ANKRD30B: variants seen among roughly 807,000 people sequenced by gnomAD.
ANKRD30B encodes ankyrin repeat domain 30B.
Under a neutral mutation model 202.2 loss-of-function variants are expected in ANKRD30B, and 144 were observed. The observed-to-expected ratio is 0.71, with a 90% CI of 0.62 to 0.82. The LOEUF is 0.82. Among genes scored for constraint, ANKRD30B ranks in the 40% least tolerant of loss-of-function variants. The probability of loss-of-function intolerance (pLI) is 0.00; values close to 1 mark genes in which losing one functional copy is unlikely to be tolerated. For missense variants in ANKRD30B, 1,487 were observed against 1,669.1 expected, an observed-to-expected ratio of 0.89 and a Z score of 1.90; for synonymous variants, 508 against 561.3, an observed-to-expected ratio of 0.91 and a Z score of 1.34.
At chr18:14,924,013 T>C in the ANKRD30B span, among the ~76,000 whole-genome samples, 4 of 152,216 alleles carry the variant, frequency 2.6e-5, no homozygotes, top group African/African-American at 9.6e-5. Context: ...TCTGTGCTTA[T>C]ATGTCTCATC....
At chr18:14,842,803 G>C in intron 37 of ANKRD30B, 94 bp from the exon 38 acceptor site, 1 of 1,247,622 alleles carries the variant, frequency 8.0e-7, no homozygotes, top group Admixed American at 2.4e-5. Flanking sequence ...TCTCAAAGCT[G>C]AGAAAAAGGA....
the ANKRD30B span, among the ~76,000 whole-genome samples, chr18:14,892,023 T>A: frequency 6.6e-6 from 1 of 152,224 alleles, no homozygotes; most frequent in Non-Finnish European, 1.5e-5. Context: ...AAACTGTAAT[T>A]ACCTTTGCAC....
chr18:14,889,900 T>C, the ANKRD30B span: 1 of 515,586 alleles, frequency 1.9e-6, no homozygotes, highest in Admixed American at 3.3e-5. Flanking sequence ...TGGAGATAAA[T>C]TAAGTCCATT....
intron 8 of ANKRD30B, 96 bp from the exon 9 acceptor site, chr18:14,772,060 T>C (rs1967035492): frequency 2.8e-6 from 2 of 710,536 alleles, no homozygotes; most frequent in Middle Eastern, 3.4e-4. Context: ...GTTTTTTGTT[T>C]TCATTTTATA....
intron 15 of ANKRD30B, among the ~76,000 whole-genome samples, chr18:14,787,436 T>A (rs568817089): frequency 2.0e-5 from 3 of 152,216 alleles, no homozygotes; most frequent in Non-Finnish European, 4.4e-5. Flanking sequence ...AATACATGAT[T>A]CTGTCTTATA....
intron 39 of ANKRD30B, among the ~76,000 whole-genome samples, chr18:14,847,050 T>TTATATGTG (rs1421555010): frequency 1.9e-4 from 21 of 111,100 alleles, no homozygotes; most frequent in Admixed American, 2.1e-4. Flanking sequence ...TGATTTAGTT[T>TTATATGTG]TATATATATA....
At chr18:14,771,817 C>T (rs1339197056) in intron 8 of ANKRD30B, among the ~76,000 whole-genome samples, 1 of 152,050 alleles carries the variant, frequency 6.6e-6, no homozygotes, top group Non-Finnish European at 1.5e-5. Flanking sequence ...AGTAGATTTC[C>T]AGTTCATCAT....
chr18:14,889,669 G>A, the ANKRD30B span, among the ~76,000 whole-genome samples: 1 of 150,148 alleles, frequency 6.7e-6, no homozygotes, highest in Non-Finnish European at 1.5e-5. Context: ...AACAAAAAGA[G>A]CTTTAATACT....
intron 18 of ANKRD30B, among the ~76,000 whole-genome samples, chr18:14,796,847 T>G (rs1312811295): frequency 6.6e-6 from 1 of 152,116 alleles, no homozygotes; most frequent in Non-Finnish European, 1.5e-5. Flanking sequence ...TTTAGGGTCA[T>G]TTGATTATGA....
At chr18:14,797,749 T>C (rs771597077) in intron 19 of ANKRD30B, 33 bp from the exon 20 acceptor site, 9 of 1,596,156 alleles carry the variant, frequency 5.6e-6, no homozygotes, top group South Asian at 5.6e-5. Flanking sequence ...GTGTACATTA[T>C]ATATTAATTT....
At chr18:14,823,923 A>C (rs1323401431) in intron 32 of ANKRD30B, among the ~76,000 whole-genome samples, 2 of 152,178 alleles carry the variant, frequency 1.3e-5, no homozygotes, top group East Asian at 3.9e-4. Flanking sequence ...TGCAGTGAGC[A>C]AAGATCGTGC....
the ANKRD30B span, among the ~76,000 whole-genome samples, chr18:14,936,719 A>G: frequency 2.0e-5 from 3 of 152,152 alleles, no homozygotes; most frequent in Non-Finnish European, 2.9e-5. Flanking sequence ...TTCTTCCACC[A>G]TTTCCTGAAA....
chr18:14,866,599 C>A, the ANKRD30B span, among the ~76,000 whole-genome samples: 2 of 152,062 alleles, frequency 1.3e-5, no homozygotes, highest in Non-Finnish European at 2.9e-5. Flanking sequence ...GTGGTGGCAA[C>A]GGAGACTGCA....
chr18:14,760,662 A>C (rs1915112437), intron 6 of ANKRD30B, 44 bp downstream of exon 6: 1 of 1,350,348 alleles, frequency 7.4e-7, no homozygotes, highest in Admixed American at 2.4e-5. Context: ...TGCTACCATA[A>C]GATTAGGGAA....
intron 39 of ANKRD30B, among the ~76,000 whole-genome samples, chr18:14,845,093 T>C (rs1223146630): frequency 2.0e-5 from 3 of 152,060 alleles, no homozygotes; most frequent in Non-Finnish European, 4.4e-5. Flanking sequence ...CTCTTTAGTT[T>C]AATTAGGTCC....
Position 14,810,025 on chromosome 18 carries a change from T to G in ANKRD30B, c.2415+11T>G. 4 of 1,441,946 alleles carry G rather than the reference T, an allele frequency of 2.8e-6. No individual in the cohort carries two copies. Among genetic ancestry groups the G allele is most frequent in the South Asian group, 1.2e-5 (1 of 86,804 alleles). 89.3% of individuals were successfully genotyped at this position (1,441,946 alleles called of 1,614,324 possible). A position where few individuals can be genotyped will look rare whatever the true frequency, so the allele number is the denominator to read the frequency against. ...GATGGTCTTCTGAAGGTAATAACTT[T>G]TATATTTTTATCTTGAATATTACCT... On this transcript the variant is annotated intron_variant, in intron 27 of 43. Transcript: ENST00000690538.
At chr18:14,761,033 A>G (rs1915178517) in intron 6 of ANKRD30B, among the ~76,000 whole-genome samples, 1 of 152,194 alleles carries the variant, frequency 6.6e-6, no homozygotes, top group Admixed American at 6.5e-5. Context: ...GGGGATGATC[A>G]GGTCATCCAC....
intron 34 of ANKRD30B, among the ~76,000 whole-genome samples, chr18:14,834,862 T>C (rs1971104546): frequency 6.6e-6 from 1 of 152,020 alleles, no homozygotes; most frequent in African/African-American, 2.4e-5. Flanking sequence ...TTTTAGTAAC[T>C]TTATGTCTTA....
chr18:14,915,772 C>G, the ANKRD30B span: 84 of 152,172 alleles, frequency 5.5e-4, no homozygotes, highest in Non-Finnish European at 1.1e-3. Context: ...ACATATACTT[C>G]AAAATGTCCT....
Sources: allele counts gnomAD v4.1 joint callset (sites outside exome capture counted in the v4.1 genomes callset), GRCh38; gene constraint gnomAD v4.1.1; transcripts MANE v1.5; gene names NCBI Gene and HGNC (gene_info 2026-07-23, HGNC 2026-07-21).